The following MALRD1 variants were observed in gnomAD, a reference collection of about 807,000 sequenced individuals.
MALRD1 encodes the protein MAM and LDL-receptor class A domain-containing protein 1.
In MALRD1, 247 loss-of-function variants were observed where a neutral mutation model predicts 242.1. That is an observed-to-expected ratio of 1.02 (90% CI 0.92 to 1.13). The LOEUF (loss-of-function observed/expected upper bound fraction) is 1.13. Among genes scored for constraint, MALRD1 ranks in the 50% most tolerant of loss-of-function variants. The pLI, the probability that MALRD1 is intolerant of heterozygous loss-of-function variation, is 0.00. For synonymous variants in MALRD1, 995 were observed against 866.6 expected (o/e 1.15, Z -2.60); for missense variants, 2,989 against 2,533.1 (o/e 1.18, Z -3.86).
chr10:19,727,274 T>C (rs867529731), intron 38 of MALRD1, among the ~76,000 whole-genome samples: 2 of 152,144 alleles, frequency 1.3e-5, no homozygotes, highest in Middle Eastern at 3.2e-3. Flanking sequence ...GTAACATAGA[T>C]TGGTTTTTGT....
intron 32 of MALRD1, among the ~76,000 whole-genome samples, chr10:19,532,375 A>C (rs7068113): frequency 0.7 from 106,034 of 151,654 alleles, 40,442 homozygotes; most frequent in Non-Finnish European, 0.84. Context: ...CTGCCTCAGC[A>C]TCCTGAGTAG....
chr10:19,172,089 G>A (rs1287376903), intron 13 of MALRD1, among the ~76,000 whole-genome samples: 4 of 134,306 alleles, frequency 3.0e-5, no homozygotes, highest in Non-Finnish European at 6.3e-5. Flanking sequence ...TATCACATAT[G>A]TGTATATGTA....
At chr10:19,397,696 C>T (rs191573999) in intron 28 of MALRD1, among the ~76,000 whole-genome samples, 235 of 152,074 alleles carry the variant, frequency 1.5e-3, no homozygotes, top group Middle Eastern at 6.8e-3. Flanking sequence ...ATTTATAATC[C>T]CACTAACAGT....
intron 33 of MALRD1, among the ~76,000 whole-genome samples, chr10:19,593,699 G>GT (rs1253052689): frequency 6.6e-6 from 1 of 152,170 alleles, no homozygotes; most frequent in Non-Finnish European, 1.5e-5. Flanking sequence ...ACATGAGATA[G>GT]TCAACACTCA....
At chr10:19,665,127 T>C (rs1841618559) in intron 36 of MALRD1, among the ~76,000 whole-genome samples, 1 of 152,160 alleles carries the variant, frequency 6.6e-6, no homozygotes, top group African/African-American at 2.4e-5. Context: ...AGAAGTTTAT[T>C]AACGCATGTA....
At chr10:19,145,471 C>T (rs1175783616) in intron 10 of MALRD1, among the ~76,000 whole-genome samples, 1 of 151,990 alleles carries the variant, frequency 6.6e-6, no homozygotes, top group African/African-American at 2.4e-5. Flanking sequence ...TAGTGAAACA[C>T]TGTCTCTCCT....
intron 21 of MALRD1, among the ~76,000 whole-genome samples, chr10:19,295,297 A>G (rs1425484812): frequency 6.6e-6 from 1 of 152,128 alleles, no homozygotes; most frequent in Non-Finnish European, 1.5e-5. Flanking sequence ...CAATCAGTTT[A>G]TGAGATGTCT....
At chr10:19,650,256 T>A (rs1199721179) in intron 36 of MALRD1, among the ~76,000 whole-genome samples, 1 of 152,070 alleles carries the variant, frequency 6.6e-6, no homozygotes, top group Non-Finnish European at 1.5e-5. Context: ...AAAAAGGAAT[T>A]GTCCAATAAA....
At chr10:19,513,310 C>G (rs972870283) in intron 31 of MALRD1, among the ~76,000 whole-genome samples, 2 of 152,092 alleles carry the variant, frequency 1.3e-5, no homozygotes, top group African/African-American at 4.8e-5. Flanking sequence ...CGTGATCTAA[C>G]AGGTTCCCTT....
At chr10:19,081,109 G>A (rs1835476810) in intron 2 of MALRD1, among the ~76,000 whole-genome samples, 2 of 152,020 alleles carry the variant, frequency 1.3e-5, no homozygotes, top group Admixed American at 1.3e-4. Flanking sequence ...AAAAAGTCAG[G>A]AAACAACAGA....
At chr10:19,340,579 C>A (rs1268491369) in intron 24 of MALRD1, among the ~76,000 whole-genome samples, 1 of 152,082 alleles carries the variant, frequency 6.6e-6, no homozygotes, top group Non-Finnish European at 1.5e-5. Context: ...TACAAAGTCA[C>A]AAATCCATTT....
intron 21 of MALRD1, among the ~76,000 whole-genome samples, chr10:19,308,207 C>T (rs980118581): frequency 1.3e-5 from 2 of 151,426 alleles, no homozygotes; most frequent in African/African-American, 4.8e-5. Flanking sequence ...CCTCTGGTAA[C>T]ACCATCCTTC....
chr10:19,238,256 AAT>A lies in MALRD1; in HGVS notation c.2992-19421_2992-19420del, dbSNP rs1164052247. On this transcript the variant is annotated intron_variant, in intron 18 of 39. Transcript: ENST00000454679. Reference sequence around the variant, plus strand: ...ATTATATATAATATGTAATATACATAATATATATTATATATAATATGTAATAT... The same window carrying A: ...ATTATATATAATATGTAATATACATAATATATTATATATAATATGTAATAT... Among the ~76,000 whole-genome samples, 4 of 72,374 alleles carry A rather than the reference AAT, an allele frequency of 5.5e-5. 1 individual carries two copies. In the East Asian group the frequency reaches 1.3e-3, roughly 23 times the overall value. 47.5% of individuals were successfully genotyped at this position (72,374 alleles called of 152,430 possible). A position where few individuals can be genotyped will look rare whatever the true frequency, so the allele number is the denominator to read the frequency against.
At chr10:19,594,589 C>T (rs1589283683) in intron 33 of MALRD1, among the ~76,000 whole-genome samples, 1 of 152,042 alleles carries the variant, frequency 6.6e-6, no homozygotes, top group Non-Finnish European at 1.5e-5. Flanking sequence ...AACCCAAATG[C>T]CCATCAATCA....
chr10:19,244,739 G>A (rs1042901494), intron 18 of MALRD1, among the ~76,000 whole-genome samples: 4 of 152,126 alleles, frequency 2.6e-5, no homozygotes, highest in African/African-American at 4.8e-5. Context: ...TATTTAATAC[G>A]TAGCTTAGAT....
chr10:19,283,186 G>A lies in MALRD1; in HGVS notation c.3419+5G>A, dbSNP rs1339605926. 2.0e-6 allele frequency: 3 copies of A among 1,524,020 alleles called. No homozygotes were observed. Among genetic ancestry groups the A allele is most frequent in the African/African-American group, 1.4e-5 (1 of 71,910 alleles). 94.4% of individuals were successfully genotyped at this position (1,524,020 alleles called of 1,614,324 possible). ...GCCATCAGTGGATCATACACAGTAA[G>A]TGACCATGTATTTTGAATATCTCTC... On this transcript the variant is annotated splice_donor_5th_base_variant and intron_variant, in intron 21 of 39. Coordinates refer to ENST00000454679, the MANE Select transcript of MALRD1 (RefSeq NM_001142308.3).
chr10:19,594,232 T>G (rs1837960014), intron 33 of MALRD1, among the ~76,000 whole-genome samples: 1 of 152,144 alleles, frequency 6.6e-6, no homozygotes, highest in Non-Finnish European at 1.5e-5. Context: ...GGCATAGAAA[T>G]AAAAATTTCT....
intron 36 of MALRD1, among the ~76,000 whole-genome samples, chr10:19,650,567 A>C (rs993640594): frequency 6.6e-6 from 1 of 152,222 alleles, no homozygotes. Context: ...GAAATAGGAA[A>C]TATGTAGAGT....
chr10:19,271,952 C>T (rs1342466349), intron 19 of MALRD1, among the ~76,000 whole-genome samples: 1 of 152,052 alleles, frequency 6.6e-6, no homozygotes, highest in Non-Finnish European at 1.5e-5. Context: ...ACACTGGAGG[C>T]TTCAAAACTA....
Sources: gnomAD v4.1 joint callset for allele counts (sites outside exome capture counted in the v4.1 genomes callset) on GRCh38, gnomAD v4.1.1 for gene constraint, MANE v1.5 for transcripts, NCBI Gene and HGNC (gene_info 2026-07-23, HGNC 2026-07-21) for gene names.